RAD51: variants seen among roughly 807,000 people sequenced by gnomAD.
The protein encoded by RAD51 is RAD51 recombinase.
In RAD51, 14 loss-of-function variants were observed where a neutral mutation model predicts 41.5. That is an observed-to-expected ratio of 0.34 (90% CI 0.22 to 0.53). RAD51 has a LOEUF of 0.53. RAD51 is among the 20% of genes least tolerant of loss of function. RAD51 has a pLI of 0.95. For missense variants in RAD51, 234 were observed against 422.0 expected, an observed-to-expected ratio of 0.55 and a Z score of 3.90; for synonymous variants, 136 against 148.6, an observed-to-expected ratio of 0.92 and a Z score of 0.62.
At chr15:40,719,102 G>T (rs1194860718) in intron 6 of RAD51, among the ~76,000 whole-genome samples, 1 of 150,348 alleles carries the variant, frequency 6.7e-6, no homozygotes, top group Non-Finnish European at 1.5e-5. Context: ...TTGTCACCCA[G>T]GCTAGAGTGC....
chr15:40,717,497 T>C (rs995153926), intron 5 of RAD51, among the ~76,000 whole-genome samples: 2 of 152,166 alleles, frequency 1.3e-5, no homozygotes, highest in Non-Finnish European at 2.9e-5. Flanking sequence ...TGTAGAAAAA[T>C]TCAAAGGTAT....
chr15:40,717,540 T>C (rs1473990108), intron 5 of RAD51, among the ~76,000 whole-genome samples: 5 of 152,172 alleles, frequency 3.3e-5, no homozygotes, highest in African/African-American at 1.2e-4. Context: ...AAGCAGAGAT[T>C]TCCTTGAGTG....
chr15:40,697,079 AT>A (rs1282669375), intron 1 of RAD51, among the ~76,000 whole-genome samples: 1 of 151,942 alleles, frequency 6.6e-6, no homozygotes, highest in Non-Finnish European at 1.5e-5. Flanking sequence ...TGCTGAATTT[AT>A]TTTTTTATTA....
At chr15:40,697,889 A>T (rs903521428) in intron 1 of RAD51, among the ~76,000 whole-genome samples, 1 of 152,208 alleles carries the variant, frequency 6.6e-6, no homozygotes, top group Non-Finnish European at 1.5e-5. Context: ...TTGTATAATG[A>T]ATGATCAAAT....
rs1895852961 is a variant in RAD51 at position 40,713,952 on chromosome 15, G to A, written c.435+4836G>A. On this transcript the variant is annotated intron_variant, in intron 5 of 9. Transcript: ENST00000267868. ...ACAGCCAAGCTAGCATGTCAGTATCGAGTAGACCTAATCCATTGTTAACTC... is the reference window on the plus strand; with the variant it reads ...ACAGCCAAGCTAGCATGTCAGTATCAAGTAGACCTAATCCATTGTTAACTC... Among the ~76,000 whole-genome samples, 8 of 150,942 alleles carry A rather than the reference G, an allele frequency of 5.3e-5. No individual in the cohort carries two copies. The Admixed American group carries it at 5.3e-4, about 10-fold the overall frequency.
chr15:40,707,833 T>C (rs1895448979), intron 4 of RAD51, among the ~76,000 whole-genome samples: 1 of 152,076 alleles, frequency 6.6e-6, no homozygotes, highest in Admixed American at 6.6e-5. Flanking sequence ...TTCTCCTGCC[T>C]CAGTCTCCTG....
At chr15:40,697,059 T>A (rs1894685075) in intron 1 of RAD51, among the ~76,000 whole-genome samples, 1 of 152,174 alleles carries the variant, frequency 6.6e-6, no homozygotes, top group African/African-American at 2.4e-5. Context: ...TGTCCTTTGA[T>A]GAATAGAAGT....
In RAD51 at chr15:40,729,654, C is replaced by T. The variant is rs751683503; in HGVS notation, c.774+20C>T. 1.6e-5 allele frequency: 26 copies of T among 1,613,270 alleles called. 1 individual carries two copies. The South Asian group carries it at 2.6e-4, about 16-fold the overall frequency. ...GATGAGGTAAGTTGTGGGATAGGGA[C>T]AGAGAATGCCTACTTTCAGTGGCTG... On this transcript the variant is annotated intron_variant, in intron 8 of 9. Transcript: ENST00000267868.
chr15:40,703,570 GA>G (rs1895136751), intron 3 of RAD51, among the ~76,000 whole-genome samples: 1 of 152,066 alleles, frequency 6.6e-6, no homozygotes, highest in Non-Finnish European at 1.5e-5. Flanking sequence ...ATCTTTCTAA[GA>G]ATTTGCTTAT....
chr15:40,728,859 T>TA (rs751766847), intron 7 of RAD51, 35 bp downstream of exon 7: 69 of 1,532,716 alleles, frequency 4.5e-5, no homozygotes, highest in Non-Finnish European at 6.1e-5. Context: ...AATATGTTCT[T>TA]AAGAGTCCTT....
At chr15:40,708,071 T>C (rs1895467985) in intron 4 of RAD51, among the ~76,000 whole-genome samples, 1 of 140,708 alleles carries the variant, frequency 7.1e-6, no homozygotes, top group African/African-American at 2.7e-5. Flanking sequence ...CCGGCTGGAG[T>C]GCAGTGGCAT....
intron 5 of RAD51, among the ~76,000 whole-genome samples, chr15:40,711,363 G>C (rs1895697627): frequency 6.6e-6 from 1 of 152,228 alleles, no homozygotes. Flanking sequence ...AAGAGGTCGA[G>C]GCTCCAGTGA....
intron 6 of RAD51, among the ~76,000 whole-genome samples, chr15:40,728,326 G>C (rs1461530968): frequency 1.3e-5 from 2 of 152,094 alleles, no homozygotes; most frequent in Non-Finnish European, 2.9e-5. Context: ...GCTATGCATG[G>C]TGCTGCATAG....
At chr15:40,714,107 G>A (rs149153807) in intron 5 of RAD51, among the ~76,000 whole-genome samples, 34 of 148,760 alleles carry the variant, frequency 2.3e-4, no homozygotes, top group African/African-American at 7.4e-4. Context: ...GGGATTACAG[G>A]TGAATGCCTC....
In RAD51 at chr15:40,729,938, T is replaced by C. The variant is rs757733241; in HGVS notation, c.860T>C (p.Ile287Thr). The change falls in exon 9 of 10, where the codon ATT becomes ACT. Residue 287 changes from isoleucine (I) to threonine (T), a missense_variant. By Grantham distance (89) the Ile-to-Thr change is moderately conservative. Transcript: ENST00000267868. ...AMFAADPKKP[I>T]GGNIIAHAST... ...TTTGCTGCTGATCCCAAAAAACCTA[T>C]TGGAGGAAATATCATCGCCCATGCA... 6.2e-7 allele frequency: 1 copy of C among 1,614,140 alleles called. No homozygotes were observed.
At chr15:40,727,127 T>C (rs904937040) in intron 6 of RAD51, among the ~76,000 whole-genome samples, 3 of 152,026 alleles carry the variant, frequency 2.0e-5, no homozygotes, top group African/African-American at 7.2e-5. Context: ...TTTTTAATTT[T>C]TTTTTAATTT....
At chr15:40,718,102 T>C (rs1201838195) in intron 5 of RAD51, among the ~76,000 whole-genome samples, 1 of 152,090 alleles carries the variant, frequency 6.6e-6, no homozygotes, top group African/African-American at 2.4e-5. Flanking sequence ...TGCACACCTA[T>C]GGTCTCAGCT....
At chr15:40,714,789 G>GTC (rs1567046327) in intron 5 of RAD51, among the ~76,000 whole-genome samples, 1 of 152,016 alleles carries the variant, frequency 6.6e-6, no homozygotes, top group Non-Finnish European at 1.5e-5. Flanking sequence ...TATATGTTAG[G>GTC]TCTCTCTCTA....
intron 5 of RAD51, among the ~76,000 whole-genome samples, chr15:40,713,173 T>C (rs1301121018): frequency 1.3e-5 from 2 of 151,256 alleles, no homozygotes; most frequent in East Asian, 3.9e-4. Context: ...TGAGCCACCG[T>C]GCCTGGCCCA....
Sources: allele counts gnomAD v4.1 joint callset (sites outside exome capture counted in the v4.1 genomes callset), GRCh38; gene constraint gnomAD v4.1.1; transcripts MANE v1.5; gene names NCBI Gene and HGNC (gene_info 2026-07-23, HGNC 2026-07-21).